SAMSN1: variants seen among roughly 807,000 people sequenced by gnomAD.
The protein encoded by SAMSN1 is SAM domain-containing protein SAMSN-1.
In SAMSN1, 31 loss-of-function variants were observed where a neutral mutation model predicts 42.0. The observed-to-expected ratio is 0.74, with a 90% CI of 0.55 to 1.00. The LOEUF is 1.00. SAMSN1 is among the 50% of genes least tolerant of loss of function. SAMSN1 has a pLI of 0.00. For missense variants in SAMSN1, 464 were observed against 439.4 expected (o/e 1.06, Z -0.50); for synonymous variants, 178 against 151.9 (o/e 1.17, Z -1.26).
rs149666814 is a variant in SAMSN1, at chr21:14,503,259, T to C, written c.562-2524A>G. ...TTAAAAAAAAAGATTAAGGCCTGAG[T>C]GAGCTTTTTCCTGTTCATCCTGAAA... On this transcript the variant is annotated intron_variant, in intron 5 of 7. Coordinates refer to ENST00000400566, the MANE Select transcript of SAMSN1 (RefSeq NM_022136.5). Among the ~76,000 whole-genome samples the C allele has an allele frequency of 1.6e-4, 25 of 151,960 alleles. No homozygotes were observed. In the East Asian group the frequency reaches 2.9e-3, roughly 18 times the overall value.
At chr21:14,577,203 A>C (rs1341423477) in intron 2 of SAMSN1, among the ~76,000 whole-genome samples, 15 of 122,014 alleles carry the variant, frequency 1.2e-4, no homozygotes, top group African/African-American at 4.3e-4. Context: ...TTACAGGTGC[A>C]TGTCACCATG....
upstream of SAMSN1, chr21:14,585,279 C>T (rs995679611): frequency 6.6e-6 from 1 of 152,124 alleles, no homozygotes; most frequent in Non-Finnish European, 1.5e-5. Context: ...ACTCTTTAGA[C>T]CCTTTCAGAA....
intron 5 of SAMSN1, among the ~76,000 whole-genome samples, chr21:14,510,086 T>C (rs1313129156): frequency 6.7e-6 from 1 of 148,208 alleles, no homozygotes; most frequent in Non-Finnish European, 1.5e-5. Context: ...TTGCAGTGAG[T>C]GGAGATTGCG....
At chr21:14,567,677 T>G (rs896323419) in intron 2 of SAMSN1, among the ~76,000 whole-genome samples, 2 of 152,140 alleles carry the variant, frequency 1.3e-5, no homozygotes, top group Non-Finnish European at 2.9e-5. Flanking sequence ...GGCGTCCTGG[T>G]GTCCTTTTTT....
chr21:14,636,826 T>C (rs1983480079), intron 2 of SAMSN1, among the ~76,000 whole-genome samples: 1 of 152,046 alleles, frequency 6.6e-6, no homozygotes, highest in Admixed American at 6.5e-5. Flanking sequence ...ATCCTGCCAC[T>C]GCACTCCAGC....
intron 5 of SAMSN1, among the ~76,000 whole-genome samples, chr21:14,504,001 G>T (rs1205342821): frequency 6.6e-6 from 1 of 152,130 alleles, no homozygotes. Flanking sequence ...GTAGAAGACA[G>T]GTAACAATCA....
intron 2 of SAMSN1, among the ~76,000 whole-genome samples, chr21:14,617,079 C>A (rs959167956): frequency 1.3e-5 from 2 of 152,154 alleles, no homozygotes; most frequent in Non-Finnish European, 2.9e-5. Flanking sequence ...AACAGTCAGT[C>A]CCTGAACTCG....
intron 7 of SAMSN1, among the ~76,000 whole-genome samples, chr21:14,488,361 T>C (rs1456868903): frequency 1.3e-5 from 2 of 152,162 alleles, no homozygotes; most frequent in Non-Finnish European, 1.5e-5. Context: ...AAAAACTGTT[T>C]GTTCCCAACA....
At chr21:14,508,727 A>C (rs1454579379) in intron 5 of SAMSN1, among the ~76,000 whole-genome samples, 1 of 152,238 alleles carries the variant, frequency 6.6e-6, no homozygotes, top group Non-Finnish European at 1.5e-5. Context: ...GAGGAAAAGA[A>C]GTCATTATAC....
rs147157862 is a variant in SAMSN1, at chr21:14,590,384, C to A, written c.465+3629G>T. Among the ~76,000 whole-genome samples, 305 of 152,066 alleles carry A rather than the reference C, an allele frequency of 2.0e-3. 2 individuals are homozygous for A. Among genetic ancestry groups the A allele is most frequent in the African/African-American group, 6.9e-3 (288 of 41,478 alleles). On this transcript the variant is annotated intron_variant, in intron 7 of 15. Transcript: ENST00000647101. ...CTTTGAACTCCTGAGCTCAGGAGGT[C>A]CTCCCATCTTAGCCTCCCAAAGCCC...
At chr21:14,605,896 C>T (rs1056481344) in intron 5 of SAMSN1, among the ~76,000 whole-genome samples, 5 of 151,504 alleles carry the variant, frequency 3.3e-5, no homozygotes, top group South Asian at 2.1e-4. Context: ...GGCTGGAGTG[C>T]AGTGGCGCGA....
At chr21:14,546,378 G>T, upstream of SAMSN1, 1 of 1,473,138 alleles carries the variant, frequency 6.8e-7, no homozygotes, top group Non-Finnish European at 9.0e-7. Flanking sequence ...CCAGGGACCT[G>T]CCACTTCCTC....
At chr21:14,494,623 G>A (rs1270484211) in intron 7 of SAMSN1, among the ~76,000 whole-genome samples, 1 of 151,690 alleles carries the variant, frequency 6.6e-6, no homozygotes, top group Non-Finnish European at 1.5e-5. Flanking sequence ...GGGTTGATGG[G>A]TGCAGCAAAC....
chr21:14,589,186 A>G (rs1982009642), intron 7 of SAMSN1, among the ~76,000 whole-genome samples: 1 of 152,124 alleles, frequency 6.6e-6, no homozygotes, highest in South Asian at 2.1e-4. Context: ...GATTAGTCCT[A>G]CGATCATATT....
intron 1 of SAMSN1, among the ~76,000 whole-genome samples, chr21:14,644,214 C>A (rs997380642): frequency 2.0e-5 from 3 of 152,112 alleles, no homozygotes; most frequent in African/African-American, 7.2e-5. Flanking sequence ...GCAGGCATCA[C>A]CCTGCCCCTA....
At chr21:14,554,832 G>A (rs2123185309) in intron 2 of SAMSN1, among the ~76,000 whole-genome samples, 1 of 151,512 alleles carries the variant, frequency 6.6e-6, no homozygotes, top group South Asian at 2.1e-4. Flanking sequence ...CTAACTAGCT[G>A]GGATTACAGA....
In SAMSN1 at chr21:14,512,514, G is replaced by A. The variant is rs1417638535; in HGVS notation, c.339C>T (p.Thr113=). Reference sequence around the variant, plus strand: ...CTTTGAGGGACACCTTCTCTGTGTGGGTCCCAATCACAGGGTCACTGTTTC... The same window carrying A: ...CTTTGAGGGACACCTTCTCTGTGTGAGTCCCAATCACAGGGTCACTGTTTC... ...PYRNSDPVIG[T]HTEKVSLKAS... is the part of the protein sequence containing the mutation. The change falls in exon 4 of 8, where the codon ACC becomes ACT. Residue 113 remains threonine (T), a synonymous_variant. Transcript: ENST00000400566. 1.2e-6 allele frequency: 2 copies of A among 1,613,170 alleles called. No homozygotes were observed. Among genetic ancestry groups the A allele is most frequent in the South Asian group, 2.2e-5 (2 of 91,052 alleles).
intron 2 of SAMSN1, among the ~76,000 whole-genome samples, chr21:14,639,922 C>T (rs189613022): frequency 1.1e-4 from 16 of 152,118 alleles, no homozygotes; most frequent in Admixed American, 1.3e-4. Flanking sequence ...TCTCTTTGGA[C>T]GAGCTATCCA....
chr21:14,519,430 G>A (rs1290770875), intron 2 of SAMSN1, among the ~76,000 whole-genome samples: 1 of 152,052 alleles, frequency 6.6e-6, no homozygotes, highest in Non-Finnish European at 1.5e-5. Context: ...TGATTGTGGA[G>A]AATTAAAAAT....
Sources: gnomAD v4.1 joint callset for allele counts (sites outside exome capture counted in the v4.1 genomes callset) on GRCh38, gnomAD v4.1.1 for gene constraint, MANE v1.5 for transcripts, NCBI Gene and HGNC (gene_info 2026-07-23, HGNC 2026-07-21) for gene names.